Variants in TNNI3K observed in about 807,000 individuals in gnomAD.
TNNI3K encodes serine/threonine-protein kinase TNNI3K.
TNNI3K carries 140 observed loss-of-function variants against 114.5 expected under a neutral mutation model. The ratio of observed to expected loss-of-function variants is 1.22; its 90% CI spans 1.07 to 1.41. The LOEUF (loss-of-function observed/expected upper bound fraction) is 1.41, where lower values mean the gene tolerates loss of function less well. Ranked by LOEUF, TNNI3K falls within the 40% of genes most tolerant of loss-of-function variation. The pLI is 0.00. For missense variants in TNNI3K, 1,125 were observed against 1,007.6 expected, an observed-to-expected ratio of 1.12 and a Z score of -1.58; for synonymous variants, 347 against 347.5, an observed-to-expected ratio of 1.00 and a Z score of 0.02.
At chr1:74,454,359 TATCTCATCTTC>T (rs1348487199) in intron 20 of TNNI3K, among the ~76,000 whole-genome samples, 1 of 152,172 alleles carries the variant, frequency 6.6e-6, no homozygotes, top group African/African-American at 2.4e-5. Context: ...ATTTCCACTT[TATCTCATCTTC>T]CCCACTACCC....
chr1:74,484,685 T>C (rs1668663550), intron 21 of TNNI3K, among the ~76,000 whole-genome samples: 1 of 152,146 alleles, frequency 6.6e-6, no homozygotes, highest in Non-Finnish European at 1.5e-5. Flanking sequence ...GTTGGTGTGA[T>C]GACCAGAGTG....
intron 5 of TNNI3K, among the ~76,000 whole-genome samples, chr1:74,330,192 G>A (rs764383134): frequency 1.2e-4 from 18 of 152,016 alleles, no homozygotes; most frequent in Admixed American, 2.0e-4. Context: ...CTACTTTGGC[G>A]TATTGATTAT....
At chr1:74,454,908 A>T (rs975856253) in intron 20 of TNNI3K, among the ~76,000 whole-genome samples, 2 of 152,146 alleles carry the variant, frequency 1.3e-5, no homozygotes, top group African/African-American at 4.8e-5. Flanking sequence ...GGACATAATA[A>T]TAAGACCTAC....
intron 23 of TNNI3K, among the ~76,000 whole-genome samples, chr1:74,520,188 T>C (rs1424165823): frequency 6.6e-6 from 1 of 151,912 alleles, no homozygotes; most frequent in Non-Finnish European, 1.5e-5. Context: ...AAGTCCATAG[T>C]GTCATTCTTA....
At chr1:74,416,765 G>A (rs1196667322) in intron 17 of TNNI3K, among the ~76,000 whole-genome samples, 2 of 151,948 alleles carry the variant, frequency 1.3e-5, no homozygotes, top group South Asian at 2.1e-4. Flanking sequence ...TTAGAAAAAT[G>A]TTTGACTGGT....
chr1:74,428,507 A>T (rs968629068), intron 17 of TNNI3K, among the ~76,000 whole-genome samples: 3 of 152,100 alleles, frequency 2.0e-5, no homozygotes, highest in African/African-American at 7.2e-5. Context: ...TAAGGAGGGG[A>T]GTGCCCTGAT....
At chr1:74,327,175 TGA>T (rs1395196180) in intron 5 of TNNI3K, among the ~76,000 whole-genome samples, 1 of 151,514 alleles carries the variant, frequency 6.6e-6, no homozygotes, top group Non-Finnish European at 1.5e-5. Flanking sequence ...GGATGTTTTT[TGA>T]GAGTCAACTG....
Position 74,474,688 on chromosome 1 carries a change from A to G in TNNI3K, c.2121+11138A>G, listed in dbSNP as rs150759457. ...TTTAATTCATTGCCTTCACCTAAAT[A>G]TTGACATCGCCCATGTACAGTGGGT... On this transcript the variant is annotated intron_variant, in intron 21 of 24. Coordinates refer to ENST00000326637, the MANE Select transcript of TNNI3K (RefSeq NM_015978.3). Among the ~76,000 whole-genome samples the G allele has an allele frequency of 9.2e-5, 14 of 152,276 alleles. No individual in the cohort carries two copies. The East Asian group carries it at 2.5e-3, about 27-fold the overall frequency.
chr1:74,338,538 T>G (rs749372945), intron 7 of TNNI3K, among the ~76,000 whole-genome samples: 1 of 151,850 alleles, frequency 6.6e-6, no homozygotes, highest in Non-Finnish European at 1.5e-5. Context: ...AAAGCCCAGC[T>G]GTAAGAACTG....
chr1:74,408,222 C>T lies in TNNI3K; in HGVS notation c.1773-27858C>T, dbSNP rs191206966. Among the ~76,000 whole-genome samples, 224 of 152,220 alleles carry T rather than the reference C, an allele frequency of 1.5e-3. 1 individual carries two copies. The highest frequency in any genetic ancestry group is 1.9e-3 in the Non-Finnish European group (132 of 68,006). On this transcript the variant is annotated intron_variant, in intron 17 of 24. Coordinates refer to ENST00000326637, the MANE Select transcript of TNNI3K (RefSeq NM_015978.3). ...ATGGGTAGGACATTGAATGCCAAAC[C>T]GATGACAATTTTCAAGTAGGGATAG...
intron 17 of TNNI3K, chr1:74,372,694 GT>G (rs1442902475): frequency 6.6e-6 from 1 of 151,712 alleles, no homozygotes; most frequent in East Asian, 1.9e-4. Flanking sequence ...AAACAAATGA[GT>G]AATCATTGCA....
intron 23 of TNNI3K, among the ~76,000 whole-genome samples, chr1:74,538,493 A>C (rs1164958388): frequency 6.6e-6 from 1 of 152,148 alleles, no homozygotes; most frequent in Non-Finnish European, 1.5e-5. Flanking sequence ...ACAATTCCCC[A>C]CCCTCATTGT....
chr1:74,508,715 G>C (rs941045664), intron 23 of TNNI3K, among the ~76,000 whole-genome samples: 2 of 152,182 alleles, frequency 1.3e-5, no homozygotes, highest in Non-Finnish European at 2.9e-5. Flanking sequence ...TAGAAGGGAG[G>C]CTCAGGAGGA....
intron 4 of TNNI3K, among the ~76,000 whole-genome samples, chr1:74,263,481 G>A (rs1570390161): frequency 1.3e-5 from 2 of 152,092 alleles, no homozygotes; most frequent in East Asian, 3.9e-4. Flanking sequence ...ATAGTTCTCT[G>A]GTAACTGGGG....
chr1:74,260,437 T>G (rs1445641276), intron 4 of TNNI3K, among the ~76,000 whole-genome samples: 1 of 152,172 alleles, frequency 6.6e-6, no homozygotes, highest in African/African-American at 2.4e-5. Context: ...ATCTCAGTTA[T>G]GAGACTTGCT....
chr1:74,325,772 G>A (rs1659867374), intron 5 of TNNI3K, among the ~76,000 whole-genome samples: 1 of 151,754 alleles, frequency 6.6e-6, no homozygotes, highest in Non-Finnish European at 1.5e-5. Flanking sequence ...TAGTTGGAGG[G>A]GACCATAATT....
chr1:74,338,287 C>T (rs1660581959), intron 7 of TNNI3K, among the ~76,000 whole-genome samples: 2 of 151,670 alleles, frequency 1.3e-5, no homozygotes, highest in Admixed American at 1.3e-4. Context: ...AAAAAGAAAG[C>T]TTTAGAATAC....
At position 74,497,683 on chromosome 1, in the gene TNNI3K, G is replaced by A. The variant is rs17095446; in HGVS notation, c.2351+5417G>A. Among the ~76,000 whole-genome samples the A allele has an allele frequency of 9.2e-3, 1,398 of 151,938 alleles. 17 individuals carry two copies. The highest frequency in any genetic ancestry group is 0.032 in the African/African-American group (1,338 of 41,404). On this transcript the variant is annotated intron_variant, in intron 23 of 24. Coordinates refer to ENST00000326637, the MANE Select transcript of TNNI3K (RefSeq NM_015978.3). The stretch of plus-strand genomic sequence containing the variant: ...AGCCTTGACCTCTCTGCTTCCTAGC[G>A]TTTGCAACATCTTTAACTTCTCTCC...
chr1:74,397,125 C>T (rs1376216782), intron 17 of TNNI3K, among the ~76,000 whole-genome samples: 1 of 151,860 alleles, frequency 6.6e-6, no homozygotes. Flanking sequence ...GGAGCCAGGG[C>T]ACACCACAGC....
Sources: allele counts gnomAD v4.1 joint callset (sites outside exome capture counted in the v4.1 genomes callset), GRCh38; gene constraint gnomAD v4.1.1; transcripts MANE v1.5; gene names NCBI Gene and HGNC (gene_info 2026-07-23, HGNC 2026-07-21).